KIAA0930: variants seen among roughly 807,000 people sequenced by gnomAD.
The protein encoded by KIAA0930 is KIAA0930, also known as uncharacterized protein KIAA0930.
In KIAA0930, 24 loss-of-function variants were observed where a neutral mutation model predicts 43.9. The ratio of observed to expected loss-of-function variants is 0.55; its 90% confidence interval spans 0.40 to 0.77. The LOEUF is 0.77. Among genes scored for constraint, KIAA0930 ranks in the 30% least tolerant of loss-of-function variants. The probability of loss-of-function intolerance (pLI) is 0.00; values close to 1 mark genes in which losing one functional copy is unlikely to be tolerated. For synonymous variants in KIAA0930, 259 were observed against 216.4 expected (o/e 1.20, Z -1.73); for missense variants, 461 against 574.2 (o/e 0.80, Z 2.02).
intron 7 of KIAA0930, chr22:45,202,786 C>A: frequency 1.9e-6 from 1 of 519,486 alleles, no homozygotes; most frequent in East Asian, 3.3e-5. Context: ...AGGAACGCCT[C>A]CCCTGCGGCA....
At chr22:45,223,920 T>G (rs2083783125) in intron 1 of KIAA0930, among the ~76,000 whole-genome samples, 1 of 151,226 alleles carries the variant, frequency 6.6e-6, no homozygotes, top group South Asian at 2.1e-4. Context: ...CAGCACCAGA[T>G]GAGCACCCAG....
rs182015971 is a variant in KIAA0930 at position 45,202,412 on chromosome 22, C to T, written c.852+578G>A. ...TCCCAAGAGACCTTGTGACCTGGGG[C>T]AAGCTGGCAAGTCTGGTTTCCGGCT... On this transcript the variant is annotated intron_variant, in intron 7 of 9. Transcript: ENST00000336156. Among the ~76,000 whole-genome samples, 5 of 152,394 alleles carry T rather than the reference C, an allele frequency of 3.3e-5. No homozygotes were observed. The East Asian group carries it at 9.6e-4, about 29-fold the overall frequency.
chr22:45,230,377 T>C (rs1211574269), intron 1 of KIAA0930, among the ~76,000 whole-genome samples: 3 of 151,850 alleles, frequency 2.0e-5, no homozygotes, highest in African/African-American at 7.3e-5. Context: ...CTTGAGAAAA[T>C]AGCAGAAGCA....
chr22:45,221,668 G>C (rs577893965), intron 1 of KIAA0930, among the ~76,000 whole-genome samples: 61 of 152,344 alleles, frequency 4.0e-4, no homozygotes, highest in Admixed American at 1.4e-3. Context: ...TGACTGGACA[G>C]ATCAATGGAA....
rs774042605 is a variant in KIAA0930, at chr22:45,205,656, T to C, written c.388A>G (p.Ile130Val). ...AVCTRADGGD[I>V]HIHKKKSQQV... ...TGAGATTTCTTCTTATGGATGTGAA[T>C]GTCCCCGCCGTCAGCACGTGTGCAC... The change falls in exon 4 of 10, where the codon ATT (isoleucine) becomes GTT (valine). Residue 130 changes from isoleucine to valine, a missense_variant. Ile to Val is a conservative substitution (Grantham distance 29). Coordinates refer to ENST00000336156, the MANE Select transcript of KIAA0930 (RefSeq NM_001009880.2). The C allele has an allele frequency of 1.9e-6, 3 of 1,614,034 alleles. No homozygotes were observed. Among genetic ancestry groups the C allele is most frequent in the Non-Finnish European group, 2.5e-6 (3 of 1,179,998 alleles).
intron 1 of KIAA0930, among the ~76,000 whole-genome samples, chr22:45,239,031 T>C (rs183038779): frequency 3.3e-5 from 5 of 152,344 alleles, no homozygotes; most frequent in African/African-American, 1.2e-4. Flanking sequence ...AAATGCTAGG[T>C]GCCATTTTCA....
Position 45,205,879 on chromosome 22 carries a change from G to A in KIAA0930, c.250C>T (p.Arg84Trp). The A allele has an allele frequency of 3.8e-6, 6 of 1,599,752 alleles. No homozygotes were observed. Among genetic ancestry groups the A allele is most frequent in the East Asian group, 2.3e-5 (1 of 43,702 alleles). ...AEPEVEVEVY[R>W]RDSKKLPGLG... The stretch of plus-strand genomic sequence containing the variant: ...CCTGGCAGCTTCTTGGAGTCCCGCC[G>A]GTACACCTCCACCTCCACCTCAGGC... Residue 84 changes from arginine (R) to tryptophan (W), a missense_variant, in exon 3 of 10, where the codon CGG becomes TGG. Coordinates refer to ENST00000336156, the MANE Select transcript of KIAA0930 (RefSeq NM_001009880.2).
chr22:45,233,821 C>G (rs2083869405), intron 1 of KIAA0930, among the ~76,000 whole-genome samples: 1 of 152,198 alleles, frequency 6.6e-6, no homozygotes, highest in African/African-American at 2.4e-5. Flanking sequence ...TAACTCCTAC[C>G]TGACAGGGGT....
At chr22:45,240,453 CAG>C (rs1363315084) in intron 1 of KIAA0930, among the ~76,000 whole-genome samples, 185 bp downstream of exon 1, 1 of 151,856 alleles carries the variant, frequency 6.6e-6, no homozygotes, top group African/African-American at 2.4e-5. Flanking sequence ...AAAGCAGAGA[CAG>C]ACCCAGATGC....
At chr22:45,205,732 G>A in intron 3 of KIAA0930, 25 bp from the exon 4 acceptor site, 1 of 1,613,848 alleles carries the variant, frequency 6.2e-7, no homozygotes, top group Non-Finnish European at 8.5e-7. Context: ...GGGTCAGCGT[G>A]CAGGGAGGGG....
rs148984329 is a variant in KIAA0930, at chr22:45,228,214, C to T, written c.64+12426G>A. The stretch of plus-strand genomic sequence containing the variant: ...TTGCTTCCTTCACTTCTGATGTCCC[C>T]GATCCCCAGCACACACAGCATCAAC... On this transcript the variant is annotated intron_variant, in intron 1 of 9. Transcript: ENST00000336156. 2.1e-4 allele frequency among the ~76,000 whole-genome samples: 32 copies of T among 152,224 alleles called. 1 individual carries two copies. The East Asian group carries it at 4.6e-3, about 22-fold the overall frequency.
chr22:45,221,725 T>C (rs922606088), intron 1 of KIAA0930, among the ~76,000 whole-genome samples: 11 of 151,396 alleles, frequency 7.3e-5, no homozygotes, highest in Admixed American at 6.6e-4. Flanking sequence ...AATAACTGGG[T>C]TTTTGTTGTT....
chr22:45,219,487 G>C (rs1197209295), intron 1 of KIAA0930, among the ~76,000 whole-genome samples: 4 of 149,204 alleles, frequency 2.7e-5, no homozygotes, highest in Non-Finnish European at 5.9e-5. Flanking sequence ...ATAGTTTATA[G>C]CCATTAAAAA....
chr22:45,205,451 G>C (rs2083627977), intron 4 of KIAA0930, 133 bp from the exon 5 acceptor site: 5 of 912,106 alleles, frequency 5.5e-6, no homozygotes, highest in Non-Finnish European at 8.7e-6. Context: ...GGAGATGTGG[G>C]GGATAAGCTG....
chr22:45,229,810 T>C (rs1452902144), intron 1 of KIAA0930, among the ~76,000 whole-genome samples: 2 of 152,194 alleles, frequency 1.3e-5, no homozygotes, highest in African/African-American at 4.8e-5. Flanking sequence ...GGTGTGAACG[T>C]GGGCCAGGTG....
chr22:45,229,704 CCAA>C (rs1183526719), intron 1 of KIAA0930, among the ~76,000 whole-genome samples: 1 of 152,228 alleles, frequency 6.6e-6, no homozygotes, highest in African/African-American at 2.4e-5. Context: ...GAAACCCCCT[CCAA>C]CAAGTCTTAC....
chr22:45,205,915 G>A lies in KIAA0930; in HGVS notation c.217-3C>T, dbSNP rs767980171. On this transcript the variant is annotated splice_polypyrimidine_tract_variant and splice_region_variant and intron_variant, in intron 2 of 9. Coordinates refer to ENST00000336156, the MANE Select transcript of KIAA0930 (RefSeq NM_001009880.2). ...ACCTCCACCTCAGGCTCAGCTGCCT[G>A]CGAGGCCCAGAGCAGAAGTGAGTGC... 4 of 1,612,578 alleles carry A rather than the reference G, an allele frequency of 2.5e-6. No individual in the cohort carries two copies. The Admixed American group carries it at 5.0e-5, about 20-fold the overall frequency.
chr22:45,212,478 T>TG (rs919237594), intron 1 of KIAA0930: 27 of 1,442,160 alleles, frequency 1.9e-5, no homozygotes, highest in Middle Eastern at 2.6e-4. Context: ...AAGGCTTGGC[T>TG]GGGGGGGAGC....
rs921549479 is a variant in KIAA0930, at chr22:45,196,086, T to G, written c.*1090A>C. On this transcript the variant is annotated 3_prime_UTR_variant, in exon 10 of 10. Transcript: ENST00000336156. The surrounding 1 kb of genome is among the most constrained non-coding windows in gnomAD (Gnocchi z 4.1). The stretch of plus-strand genomic sequence containing the variant: ...AGTTGGGTAGGGGACAGGCCTGCTC[T>G]CGGGGAGGGTACCGTGCATCCTTGC... 2 of 152,128 alleles carry G rather than the reference T, an allele frequency of 1.3e-5. No individual in the cohort carries two copies. The highest frequency in any genetic ancestry group is 1.9e-4 in the East Asian group (1 of 5,184). 9.4% of individuals were successfully genotyped at this position (152,128 alleles called of 1,614,324 possible).
Sources: allele counts gnomAD v4.1 joint callset (sites outside exome capture counted in the v4.1 genomes callset), GRCh38; gene constraint gnomAD v4.1.1; non-coding constraint Gnocchi (gnomAD v3.1); transcripts MANE v1.5; gene names NCBI Gene and HGNC (gene_info 2026-07-23, HGNC 2026-07-21).